The following ATG7 variants were observed in gnomAD, a reference collection of about 807,000 sequenced individuals.
ATG7 encodes the protein ubiquitin-like modifier-activating enzyme ATG7.
A neutral mutation model predicts 82.4 loss-of-function variants in ATG7; 70 were observed. The observed-to-expected ratio is 0.85, with a 90% CI of 0.70 to 1.04. The LOEUF (loss-of-function observed/expected upper bound fraction) is 1.04, where lower values mean the gene tolerates loss of function less well. Among genes scored for constraint, ATG7 ranks in the 50% least tolerant of loss-of-function variants. ATG7 has a pLI of 0.00. For synonymous variants in ATG7, 287 were observed against 313.0 expected (o/e 0.92, Z 0.88); for missense variants, 792 against 864.3 (o/e 0.92, Z 1.05).
intron 19 of ATG7, among the ~76,000 whole-genome samples, chr3:11,404,125 A>ATTTTTTTTTTTTTTTTTT (rs10591303): frequency 1.3e-5 from 1 of 76,938 alleles, no homozygotes; most frequent in African/African-American, 5.5e-5. Flanking sequence ...AACCAGCTCA[A>ATTTTTTTTTTTTTTTTTT]TTTTTTTTTT....
intron 20 of ATG7, among the ~76,000 whole-genome samples, chr3:11,443,640 G>C (rs879549370): frequency 2.6e-5 from 4 of 152,166 alleles, no homozygotes; most frequent in Non-Finnish European, 5.9e-5. Context: ...ACCTGCCTCA[G>C]CCTCCCAAAG....
In ATG7 at chr3:11,333,101, G is replaced by T; in HGVS notation, c.889+8G>T. 6.5e-7 allele frequency: 1 copy of T among 1,545,020 alleles called. No individual in the cohort carries two copies. The highest frequency in any genetic ancestry group is 8.7e-7 in the Non-Finnish European group (1 of 1,150,560). On this transcript the variant is annotated splice_region_variant and intron_variant, in intron 11 of 20. Transcript: ENST00000693202. ...AAATGGCATTTAGCCCAGGTAATTT[G>T]CCGGTCTTTGAAAATGCATATAATT...
intron 19 of ATG7, among the ~76,000 whole-genome samples, chr3:11,392,708 G>A (rs1012522889): frequency 1.3e-5 from 2 of 152,098 alleles, no homozygotes; most frequent in African/African-American, 4.8e-5. Context: ...TTCCGGCTTT[G>A]AGGTTATGTC....
At chr3:11,409,169 A>G (rs1406248885) in intron 19 of ATG7, among the ~76,000 whole-genome samples, 3 of 152,234 alleles carry the variant, frequency 2.0e-5, no homozygotes, top group Non-Finnish European at 2.9e-5. Flanking sequence ...CTAGCCTACC[A>G]GTTACAGATG....
chr3:11,323,666 A>G (rs900383528), intron 9 of ATG7, among the ~76,000 whole-genome samples: 1 of 152,226 alleles, frequency 6.6e-6, no homozygotes, highest in African/African-American at 2.4e-5. Context: ...TGTAATTTCA[A>G]CAACATTAGC....
At chr3:11,285,983 T>C (rs1196315168) in intron 3 of ATG7, among the ~76,000 whole-genome samples, 8 of 152,218 alleles carry the variant, frequency 5.3e-5, no homozygotes, top group African/African-American at 1.9e-4. Context: ...CCTTTGACTT[T>C]TAAGACCATG....
chr3:11,302,164 G>A lies in ATG7; in HGVS notation c.215+2748G>A, dbSNP rs140164462. On this transcript the variant is annotated intron_variant, in intron 5 of 20. Coordinates refer to ENST00000693202, the MANE Select transcript of ATG7 (RefSeq NM_001349232.2). ...ATTGTGTGAAAATAGCCCTGGATTCGAAGTTTGAAGATTTGGAATCTATGG... is the reference window on the plus strand; with the variant it reads ...ATTGTGTGAAAATAGCCCTGGATTCAAAGTTTGAAGATTTGGAATCTATGG... Among the ~76,000 whole-genome samples, 15 of 152,326 alleles carry A rather than the reference G, an allele frequency of 9.8e-5. 1 individual carries two copies. The East Asian group carries it at 1.5e-3, about 16-fold the overall frequency.
chr3:11,434,950 T>G (rs1475840828), intron 20 of ATG7, among the ~76,000 whole-genome samples: 1 of 152,244 alleles, frequency 6.6e-6, no homozygotes, highest in Non-Finnish European at 1.5e-5. Context: ...CAGTGTCCTG[T>G]GCATGCTTCC....
the ATG7 span, among the ~76,000 whole-genome samples, chr3:11,574,350 G>A: frequency 5.3e-5 from 8 of 152,178 alleles, no homozygotes; most frequent in South Asian, 2.1e-4. Context: ...ACTGGGCCTC[G>A]GTCACCTGTC....
chr3:11,409,775 C>CTTTTTTTTTTTTTTTTTTTTTGTTTTT (rs36100546), intron 19 of ATG7, among the ~76,000 whole-genome samples: 1 of 144,370 alleles, frequency 6.9e-6, no homozygotes. Context: ...TGTCTAGATT[C>CTTTTTTTTTTTTTTTTTTTTTGTTTTT]TTTTTTTTTT....
At chr3:11,295,492 C>T (rs1470612) in intron 3 of ATG7, among the ~76,000 whole-genome samples, 31,173 of 152,122 alleles carry the variant, frequency 0.2, 3,574 homozygotes, top group South Asian at 0.36. Flanking sequence ...GAACTTGCTA[C>T]GGACACAGTC....
intron 20 of ATG7, among the ~76,000 whole-genome samples, chr3:11,433,728 G>A (rs1022348754): frequency 6.6e-6 from 1 of 152,158 alleles, no homozygotes; most frequent in Admixed American, 6.5e-5. Flanking sequence ...AGTATTTGAT[G>A]TTGTACCATG....
chr3:11,321,593 T>C (rs1950232084), intron 9 of ATG7, among the ~76,000 whole-genome samples: 2 of 152,182 alleles, frequency 1.3e-5, no homozygotes, highest in Non-Finnish European at 2.9e-5. Context: ...GAATGCTTCC[T>C]ATAGTGAAAA....
intron 20 of ATG7, among the ~76,000 whole-genome samples, chr3:11,453,965 G>T (rs981814066): frequency 1.3e-5 from 2 of 152,182 alleles, no homozygotes; most frequent in Admixed American, 6.5e-5. Context: ...CTAGGAAAAA[G>T]CAGACATCAG....
At chr3:11,389,377 TAG>T (rs1191255831) in intron 19 of ATG7, among the ~76,000 whole-genome samples, 2 of 151,680 alleles carry the variant, frequency 1.3e-5, no homozygotes, top group African/African-American at 4.8e-5. Context: ...CATAGTTTTC[TAG>T]AGTGTCTGAC....
intron 19 of ATG7, among the ~76,000 whole-genome samples, chr3:11,408,817 TG>T (rs1362387710): frequency 2.6e-5 from 4 of 152,206 alleles, no homozygotes; most frequent in Non-Finnish European, 5.9e-5. Context: ...ATTGGAATTA[TG>T]GGAGCTGCAA....
chr3:11,309,012 C>T lies in ATG7; in HGVS notation c.362C>T (p.Ala121Val), dbSNP rs757574935. 10 of 1,613,904 alleles carry T rather than the reference C, an allele frequency of 6.2e-6. No individual in the cohort carries two copies. Among genetic ancestry groups the T allele is most frequent in the South Asian group, 5.5e-5 (5 of 91,086 alleles). ...EIWESIKSGT[A>V]LENPVLLNKF... is the part of the protein sequence containing the mutation. ...TGGGAATCCATAAAATCAGGCACTGCTCTTGAAAACCCTGTACTCCTCAAC... is the reference window on the plus strand; with the variant it reads ...TGGGAATCCATAAAATCAGGCACTGTTCTTGAAAACCCTGTACTCCTCAAC... The change falls in exon 7 of 21, where the codon GCT becomes GTT. Residue 121 changes from alanine (A) to valine (V), a missense_variant. Transcript: ENST00000693202.
intron 1 of ATG7, among the ~76,000 whole-genome samples, chr3:11,280,561 G>A (rs1287502196): frequency 6.6e-6 from 1 of 152,164 alleles, no homozygotes; most frequent in East Asian, 1.9e-4. Context: ...TAGGGCCCTA[G>A]ATTTACCTCT....
intron 20 of ATG7, among the ~76,000 whole-genome samples, chr3:11,481,962 G>T (rs2089038579): frequency 6.6e-6 from 1 of 152,232 alleles, no homozygotes; most frequent in Non-Finnish European, 1.5e-5. Flanking sequence ...CAGGTGGTAA[G>T]TCAGTGTCAT....
Sources: gnomAD v4.1 joint callset for allele counts (sites outside exome capture counted in the v4.1 genomes callset) on GRCh38, gnomAD v4.1.1 for gene constraint, MANE v1.5 for transcripts, NCBI Gene and HGNC (gene_info 2026-07-23, HGNC 2026-07-21) for gene names.